The following FGD3 variants were observed in gnomAD, a reference collection of about 807,000 sequenced individuals.
FGD3 encodes the protein FYVE, RhoGEF and PH domain containing 3, also known as FYVE, RhoGEF and PH domain-containing protein 3.
Under a neutral mutation model 71.8 loss-of-function variants are expected in FGD3, and 45 were observed. That is an observed-to-expected ratio of 0.63 (90% CI 0.49 to 0.80). The LOEUF (loss-of-function observed/expected upper bound fraction) is 0.80. Ranked by LOEUF, FGD3 falls within the 30% of genes least tolerant of loss-of-function variation. The probability of loss-of-function intolerance (pLI) is 0.00; values close to 1 mark genes in which losing one functional copy is unlikely to be tolerated. For missense variants in FGD3, 844 were observed against 951.5 expected (o/e 0.89, Z 1.49); for synonymous variants, 378 against 392.8 (o/e 0.96, Z 0.44).
At chr9:92,984,811 C>CT (rs375226068) in intron 3 of FGD3, among the ~76,000 whole-genome samples, 1,907 of 139,252 alleles carry the variant, frequency 0.014, 18 homozygotes, top group African/African-American at 0.035. Context: ...TCTTTTTTTT[C>CT]TTTTTTTTTT....
intron 3 of FGD3, among the ~76,000 whole-genome samples, chr9:92,997,359 A>G (rs1465796768): frequency 6.6e-6 from 1 of 152,042 alleles, no homozygotes; most frequent in Non-Finnish European, 1.5e-5. Context: ...TTTTGAGCCT[A>G]TGTGTGTCTC....
intron 1 of FGD3, among the ~76,000 whole-genome samples, chr9:92,973,839 A>G (rs1278099802): frequency 1.3e-5 from 2 of 152,168 alleles, no homozygotes; most frequent in East Asian, 3.9e-4. Context: ...CTCTCTCTGC[A>G]GCTCTCTCAT....
intron 3 of FGD3, among the ~76,000 whole-genome samples, chr9:92,988,959 C>G (rs1370084807): frequency 6.6e-6 from 1 of 152,214 alleles, no homozygotes; most frequent in Non-Finnish European, 1.5e-5. Flanking sequence ...TCTTTGGTTC[C>G]TCAACTCCTT....
chr9:93,029,030 T>G (rs1009668535), intron 14 of FGD3, among the ~76,000 whole-genome samples: 2 of 84,732 alleles, frequency 2.4e-5, no homozygotes, highest in African/African-American at 1.2e-4. Flanking sequence ...TTTTTTTTTT[T>G]TTTTTTTGAG....
intron 13 of FGD3, among the ~76,000 whole-genome samples, chr9:93,020,874 C>T (rs929532312): frequency 1.3e-5 from 2 of 152,236 alleles, no homozygotes; most frequent in African/African-American, 4.8e-5. Flanking sequence ...CCACTAAGTG[C>T]CGCTGCAGCC....
At chr9:92,957,810 T>C (rs1483001508) in intron 1 of FGD3, among the ~76,000 whole-genome samples, 2 of 149,424 alleles carry the variant, frequency 1.3e-5, no homozygotes, top group African/African-American at 4.9e-5. Context: ...GCCTCCAGAG[T>C]AGTTGGGAGT....
intron 15 of FGD3, chr9:93,032,340 C>A (rs879921060): frequency 5.3e-6 from 1 of 188,424 alleles, no homozygotes; most frequent in Non-Finnish European, 1.1e-5. Context: ...AATTTCTCCA[C>A]ATCCGTGCCA....
chr9:92,991,369 G>A (rs541023542), intron 3 of FGD3, among the ~76,000 whole-genome samples: 3 of 152,136 alleles, frequency 2.0e-5, no homozygotes, highest in Non-Finnish European at 4.4e-5. Flanking sequence ...GTGAGCCATT[G>A]CACCCGGCCC....
Position 93,035,670 on chromosome 9 carries a change from G to A in FGD3, c.*81G>A, listed in dbSNP as rs369355290. 6.1e-5 allele frequency: 92 copies of A among 1,501,960 alleles called. 1 individual carries two copies. In the South Asian group the frequency reaches 1.2e-3, roughly 19 times the overall value. 93.0% of individuals were successfully genotyped at this position (1,501,960 alleles called of 1,614,324 possible). A position where few individuals can be genotyped will look rare whatever the true frequency, so the allele number is the denominator to read the frequency against. On this transcript the variant is annotated 3_prime_UTR_variant, in exon 18 of 18. Coordinates refer to ENST00000375482, the MANE Select transcript of FGD3 (RefSeq NM_001083536.2). ...GGTGGTGTTGGAGGCCCCATGAAGA[G>A]CGCCCTGGACTGCTGAGGGTGGGCC...
intron 7 of FGD3, 46 bp from the exon 8 acceptor site, chr9:93,011,168 A>G: frequency 6.2e-7 from 1 of 1,603,782 alleles, no homozygotes; most frequent in South Asian, 1.1e-5. Context: ...GCAAGCAAAA[A>G]CGGAGCCACC....
intron 14 of FGD3, among the ~76,000 whole-genome samples, chr9:93,023,795 C>CCTTTTTTTTTTTTTTTTTTT (rs1862017356): frequency 4.6e-5 from 5 of 107,688 alleles, no homozygotes; most frequent in African/African-American, 1.9e-4. Flanking sequence ...CCATCAGCAA[C>CCTTTTTTTTTTTTTTTTTTT]TTTTTTTTTT....
chr9:93,014,006 T>TGG lies in FGD3; in HGVS notation c.1182+9_1182+10dup. ...GACCGCCACCTCTTCCTGGTGAGCC[T>TGG]GGCCCCTGCCAGCCCAGCCGCAGAG... On this transcript the variant is annotated intron_variant, in intron 9 of 17. Transcript: ENST00000375482. 6.3e-7 allele frequency: 1 copy of TGG among 1,599,896 alleles called. No individual in the cohort carries two copies. The highest frequency in any genetic ancestry group is 1.7e-5 in the Admixed American group (1 of 57,448).
At chr9:92,975,848 G>A (rs1456612285) in intron 2 of FGD3, among the ~76,000 whole-genome samples, 6 of 152,120 alleles carry the variant, frequency 3.9e-5, no homozygotes, top group Non-Finnish European at 7.4e-5. Flanking sequence ...AAAGCACCAC[G>A]GATGCGCTAT....
intron 3 of FGD3, among the ~76,000 whole-genome samples, chr9:92,986,815 G>T (rs1222588503): frequency 6.6e-6 from 1 of 152,222 alleles, no homozygotes; most frequent in East Asian, 1.9e-4. Context: ...TCCAATTAGT[G>T]TCTGTCCTGG....
intron 3 of FGD3, among the ~76,000 whole-genome samples, chr9:92,988,770 A>G (rs1860287304): frequency 6.6e-6 from 1 of 152,170 alleles, no homozygotes; most frequent in Admixed American, 6.5e-5. Context: ...GTTGATTTCA[A>G]TGTCCTACAC....
Position 93,010,986 on chromosome 9 carries a change from C to T in FGD3, c.977-228C>T, listed in dbSNP as rs565103584. Reference sequence around the variant, plus strand: ...GCCCGGACAGGCGTCTGTGCAGAATCGTGGGAGCCCCCTGCCTGGTATTGG... The same window carrying T: ...GCCCGGACAGGCGTCTGTGCAGAATTGTGGGAGCCCCCTGCCTGGTATTGG... On this transcript the variant is annotated intron_variant, in intron 7 of 17. Transcript: ENST00000375482. 4.7e-4 allele frequency among the ~76,000 whole-genome samples: 72 copies of T among 152,146 alleles called. 4 individuals are homozygous for T. The South Asian group carries it at 0.015, about 31-fold the overall frequency.
At chr9:92,968,064 T>C (rs1192778471) in intron 1 of FGD3, among the ~76,000 whole-genome samples, 4 of 152,186 alleles carry the variant, frequency 2.6e-5, no homozygotes, top group Admixed American at 2.0e-4. Flanking sequence ...CATTCTTGAC[T>C]AGATGGACTC....
chr9:93,013,809 ACT>A lies in FGD3; in HGVS notation c.1036-39_1036-38del. The A allele has an allele frequency of 1.9e-6, 3 of 1,607,792 alleles. No individual in the cohort carries two copies. The South Asian group carries it at 3.3e-5, about 18-fold the overall frequency. The stretch of plus-strand genomic sequence containing the variant: ...TCCGTGCATCTCTAGGTCACCAGCC[ACT>A]CTCACAGACCTTTGGTGCCTGAGTC... On this transcript the variant is annotated intron_variant, in intron 8 of 17. Coordinates refer to ENST00000375482, the MANE Select transcript of FGD3 (RefSeq NM_001083536.2).
Position 93,011,253 on chromosome 9 carries a change from A to G in FGD3, c.1016A>G (p.Asn339Ser), listed in dbSNP as rs1176220590. ...ELISTAANHSNAAIRKVEKMH... is the reference protein window; with the variant it reads ...ELISTAANHSSAAIRKVEKMH... ...ATCTCCACAGCCGCCAACCACTCCA[A>G]TGCTGCCATTCGGAAAGTGGTGAGT... is the stretch of plus-strand genomic sequence containing the variant. The change falls in exon 8 of 18, where the codon AAT (asparagine) becomes AGT (serine). Residue 339 changes from asparagine to serine, a missense_variant. Physicochemically the swap from Asn to Ser is conservative, Grantham distance 46 (BLOSUM62 1). Transcript: ENST00000375482. 5.0e-6 allele frequency: 8 copies of G among 1,613,990 alleles called. No individual in the cohort carries two copies. In the East Asian group the frequency reaches 6.7e-5, roughly 13 times the overall value.
Sources: allele counts gnomAD v4.1 joint callset (sites outside exome capture counted in the v4.1 genomes callset), GRCh38; gene constraint gnomAD v4.1.1; transcripts MANE v1.5; gene names NCBI Gene and HGNC (gene_info 2026-07-23, HGNC 2026-07-21).